The following PUM3 variants were observed in gnomAD, a reference collection of about 807,000 sequenced individuals.
PUM3 encodes the protein pumilio RNA binding family member 3, also known as pumilio homolog 3.
A neutral mutation model predicts 84.0 loss-of-function variants in PUM3; 91 were observed. The observed-to-expected ratio is 1.08, with a 90% CI of 0.91 to 1.29. The LOEUF (loss-of-function observed/expected upper bound fraction) is 1.29. Ranked by LOEUF, PUM3 falls within the 50% of genes most tolerant of loss-of-function variation. The probability of loss-of-function intolerance (pLI) is 0.00; values close to 1 mark genes in which losing one functional copy is unlikely to be tolerated. For synonymous variants in PUM3, 321 were observed against 266.7 expected, an observed-to-expected ratio of 1.20 and a Z score of -1.98; for missense variants, 1,067 against 767.5, an observed-to-expected ratio of 1.39 and a Z score of -4.61.
chr9:2,837,350 C>A lies in PUM3; in HGVS notation c.134G>T (p.Gly45Val). The change falls in exon 3 of 18, where the codon GGA becomes GTA. Residue 45 changes from glycine to valine, a missense_variant. Physicochemically the swap from Gly to Val is moderately radical, Grantham distance 109. Coordinates refer to ENST00000397885, the MANE Select transcript of PUM3 (RefSeq NM_014878.5). Reference protein sequence around the residue: ...FPTRKVAKEGGPKVTSRNFEK... With the variant: ...FPTRKVAKEGVPKVTSRNFEK... Reference sequence around the variant, plus strand: ...AAAGTTCCTAGATGTGACTTTAGGTCCACCTTCTTTAGCAACTTTCCTTGT... The same window carrying A: ...AAAGTTCCTAGATGTGACTTTAGGTACACCTTCTTTAGCAACTTTCCTTGT... 1.2e-6 allele frequency: 2 copies of A among 1,613,840 alleles called. No individual in the cohort carries two copies. Among genetic ancestry groups the A allele is most frequent in the Non-Finnish European group, 1.7e-6 (2 of 1,179,830 alleles).
chr9:2,810,002 C>T (rs1006030305), intron 16 of PUM3, among the ~76,000 whole-genome samples: 1 of 151,780 alleles, frequency 6.6e-6, no homozygotes, highest in Non-Finnish European at 1.5e-5. Context: ...CCCCCTACCC[C>T]CTCTCACCAT....
Position 2,832,579 on chromosome 9 carries a change from C to T in PUM3, c.516+778G>A, listed in dbSNP as rs146927055. On this transcript the variant is annotated intron_variant, in intron 5 of 17. Coordinates refer to ENST00000397885, the MANE Select transcript of PUM3 (RefSeq NM_014878.5). ...CCAAACTCACTTCTAACACCATGGT[C>T]ATACAGCTGTGACCTCAGGGTAGTT... Among the ~76,000 whole-genome samples, 28 of 152,304 alleles carry T rather than the reference C, an allele frequency of 1.8e-4. No homozygotes were observed. In the East Asian group the frequency reaches 2.3e-3, roughly 13 times the overall value.
At chr9:2,820,990 T>G (rs1187012177) in intron 12 of PUM3, among the ~76,000 whole-genome samples, 1 of 152,206 alleles carries the variant, frequency 6.6e-6, no homozygotes, top group African/African-American at 2.4e-5. Context: ...GGAATTTGAT[T>G]TTTGATAATA....
chr9:2,821,443 C>CAAAAAAAAAAAAAAAAAAAACAAAAAAAA (rs572752267), intron 12 of PUM3, among the ~76,000 whole-genome samples: 1 of 50,130 alleles, frequency 2.0e-5, no homozygotes, highest in African/African-American at 8.1e-5. Context: ...GACTCTGTCT[C>CAAAAAAAAAAAAAAAAAAAACAAAAAAAA]AAAAAAAAAA....
chr9:2,823,770 AT>A lies in PUM3; in HGVS notation c.1188+10del. ...AAAAATAATTAGAATATGTAGTTTT[AT>A]TATACTTACATTAGCCACCTTTTCA... is the stretch of plus-strand genomic sequence containing the variant. On this transcript the variant is annotated intron_variant, in intron 12 of 17. Transcript: ENST00000397885. 7.7e-7 allele frequency: 1 copy of A among 1,303,372 alleles called. No individual in the cohort carries two copies. Among genetic ancestry groups the A allele is most frequent in the Non-Finnish European group, 1.1e-6 (1 of 927,086 alleles). 80.7% of individuals were successfully genotyped at this position (1,303,372 alleles called of 1,614,324 possible). A position where few individuals can be genotyped will look rare whatever the true frequency, so the allele number is the denominator to read the frequency against.
At chr9:2,808,416 C>T (rs1419670979) in intron 16 of PUM3, among the ~76,000 whole-genome samples, 2 of 152,212 alleles carry the variant, frequency 1.3e-5, no homozygotes, top group African/African-American at 4.8e-5. Flanking sequence ...CGCTTACATA[C>T]TCACAAATCA....
At chr9:2,819,335 T>C (rs1258540998) in intron 13 of PUM3, among the ~76,000 whole-genome samples, 1 of 152,258 alleles carries the variant, frequency 6.6e-6, no homozygotes, top group Non-Finnish European at 1.5e-5. Context: ...AATTGGTTTT[T>C]CTGAAGGCAA....
intron 1 of PUM3, among the ~76,000 whole-genome samples, chr9:2,840,394 T>A (rs1180449379): frequency 1.3e-5 from 2 of 152,186 alleles, no homozygotes; most frequent in South Asian, 2.1e-4. Context: ...ATAAACATTT[T>A]AGACAAGATG....
At chr9:2,805,676 C>T (rs916996849) in intron 17 of PUM3, among the ~76,000 whole-genome samples, 1 of 152,164 alleles carries the variant, frequency 6.6e-6, no homozygotes. Context: ...TTATACAACA[C>T]ATAATAGTAA....
chr9:2,815,001 T>C (rs1480629607), intron 13 of PUM3, among the ~76,000 whole-genome samples: 1 of 152,162 alleles, frequency 6.6e-6, no homozygotes, highest in Non-Finnish European at 1.5e-5. Context: ...TGGGCAGAAA[T>C]GGTTTTATAA....
intron 17 of PUM3, among the ~76,000 whole-genome samples, chr9:2,806,901 G>A (rs540589907): frequency 6.6e-6 from 1 of 152,254 alleles, no homozygotes; most frequent in African/African-American, 2.4e-5. Context: ...TCACAGGGAT[G>A]TAAGTTATTC....
chr9:2,820,995 A>G (rs1262959628), intron 12 of PUM3, among the ~76,000 whole-genome samples: 3 of 152,200 alleles, frequency 2.0e-5, no homozygotes, highest in Non-Finnish European at 4.4e-5. Context: ...TTGATTTTTG[A>G]TAATAGCCCA....
intron 5 of PUM3, 128 bp downstream of exon 5, chr9:2,833,229 T>C: frequency 4.1e-6 from 2 of 490,318 alleles, no homozygotes; most frequent in Non-Finnish European, 7.3e-6. Context: ...TTATGGAAGA[T>C]ATTTAAAACT....
intron 13 of PUM3, among the ~76,000 whole-genome samples, chr9:2,815,310 C>A (rs991740527): frequency 6.6e-6 from 1 of 152,168 alleles, no homozygotes; most frequent in African/African-American, 2.4e-5. Context: ...CAGCTTTCCC[C>A]TACCATCAAA....
intron 3 of PUM3, 36 bp from the exon 4 acceptor site, chr9:2,834,202 A>C (rs769438463): frequency 6.3e-7 from 1 of 1,578,454 alleles, no homozygotes; most frequent in East Asian, 2.2e-5. Flanking sequence ...ATTACATTTA[A>C]CATTCTAAGT....
chr9:2,828,127 C>A (rs904078583), intron 9 of PUM3, among the ~76,000 whole-genome samples: 22 of 152,148 alleles, frequency 1.4e-4, no homozygotes, highest in Non-Finnish European at 2.9e-5. Flanking sequence ...GCAGCCATGA[C>A]CTCCTGGGCT....
chr9:2,837,817 C>T (rs1816168629), intron 2 of PUM3, among the ~76,000 whole-genome samples: 1 of 151,972 alleles, frequency 6.6e-6, no homozygotes, highest in Admixed American at 6.6e-5. Flanking sequence ...CTTGAACATT[C>T]TTGAAATTTG....
At chr9:2,842,049 T>C (rs1816280210) in intron 1 of PUM3, among the ~76,000 whole-genome samples, 2 of 152,222 alleles carry the variant, frequency 1.3e-5, no homozygotes, top group African/African-American at 4.8e-5. Flanking sequence ...ACTCCTGTTT[T>C]GTCTTTTCCA....
intron 13 of PUM3, among the ~76,000 whole-genome samples, chr9:2,816,593 A>G (rs1281024540): frequency 6.6e-6 from 1 of 152,184 alleles, no homozygotes; most frequent in Non-Finnish European, 1.5e-5. Flanking sequence ...CTGGAGCTGA[A>G]TGGTGCCCAC....
Sources: gnomAD v4.1 joint callset for allele counts (sites outside exome capture counted in the v4.1 genomes callset) on GRCh38, gnomAD v4.1.1 for gene constraint, MANE v1.5 for transcripts, NCBI Gene and HGNC (gene_info 2026-07-23, HGNC 2026-07-21) for gene names.